ZNF215: variants seen among roughly 807,000 people sequenced by gnomAD.
ZNF215 encodes BWSCR2-associated zinc finger protein 2.
A neutral mutation model predicts 27.2 loss-of-function variants in ZNF215; 24 were observed. The ratio of observed to expected loss-of-function variants is 0.88; its 90% CI spans 0.64 to 1.24. The LOEUF (loss-of-function observed/expected upper bound fraction) is 1.24, where lower values mean the gene tolerates loss of function less well. Ranked by LOEUF, ZNF215 falls within the 50% of genes most tolerant of loss-of-function variation. The probability of loss-of-function intolerance (pLI) is 0.00; values close to 1 mark genes in which losing one functional copy is unlikely to be tolerated. For synonymous variants in ZNF215, 210 were observed against 204.0 expected, an observed-to-expected ratio of 1.03 and a Z score of -0.25; for missense variants, 675 against 605.7, an observed-to-expected ratio of 1.11 and a Z score of -1.20.
chr11:6,988,120 C>T (rs1341096280), downstream of ZNF215: 1 of 902,300 alleles, frequency 1.1e-6, no homozygotes, highest in Non-Finnish European at 1.3e-6. Context: ...AAATTTGGAG[C>T]AACAGCAATT....
At chr11:6,952,643 G>T (rs1850123699) in intron 6 of ZNF215, among the ~76,000 whole-genome samples, 1 of 151,908 alleles carries the variant, frequency 6.6e-6, no homozygotes, top group South Asian at 2.1e-4. Flanking sequence ...CACATGAGAT[G>T]GGTTTCCTGA....
chr11:6,943,511 G>C, intron 5 of ZNF215, 35 bp from the exon 6 acceptor site: 1 of 1,536,284 alleles, frequency 6.5e-7, no homozygotes, highest in South Asian at 1.1e-5. Flanking sequence ...ATATATGTTT[G>C]TTGTTGTTGT....
At chr11:6,946,909 G>C (rs374947062) in intron 6 of ZNF215, among the ~76,000 whole-genome samples, 25 of 152,242 alleles carry the variant, frequency 1.6e-4, no homozygotes, top group African/African-American at 5.5e-4. Context: ...TATTTTTTGG[G>C]TTGTCATTTA....
At chr11:6,938,170 A>G (rs1209764431) in intron 3 of ZNF215, among the ~76,000 whole-genome samples, 2 of 152,048 alleles carry the variant, frequency 1.3e-5, no homozygotes, top group African/African-American at 4.8e-5. Flanking sequence ...AGTTTTTTAA[A>G]TGGACAAAGG....
At chr11:6,988,378 T>G, downstream of ZNF215, 3 of 453,598 alleles carry the variant, frequency 6.6e-6, no homozygotes, top group Non-Finnish European at 8.6e-6. Context: ...AAAAGGGCTC[T>G]GTGATCAGCC....
At chr11:6,982,085 G>C (rs7935516) in intron 5 of ZNF215, among the ~76,000 whole-genome samples, 47,230 of 151,582 alleles carry the variant, frequency 0.31, 7,639 homozygotes, top group African/African-American at 0.36. Flanking sequence ...TTGACTTGGC[G>C]ATGTGGGCTC....
rs747708347 is a variant in ZNF215 at position 6,932,533 on chromosome 11, T to A, written c.261T>A (p.Ile87=). ...LRPEIHTKKQ[I]IELLVLEQFL... is the part of the protein sequence containing the mutation. ...CAGAGATTCATACAAAGAAGCAGAT[T>A]ATAGAACTGTTGGTGCTGGAACAAT... is the stretch of plus-strand genomic sequence containing the variant. The change falls in exon 3 of 7, where the codon ATT becomes ATA. Residue 87 remains isoleucine (I), a synonymous_variant. Coordinates refer to ENST00000278319, the MANE Select transcript of ZNF215 (RefSeq NM_013250.4). 72 of 1,614,170 alleles carry A rather than the reference T, an allele frequency of 4.5e-5. No individual in the cohort carries two copies. The Middle Eastern group carries it at 2.5e-3, about 55-fold the overall frequency.
At chr11:6,931,298 T>C (rs967189126) in intron 2 of ZNF215, among the ~76,000 whole-genome samples, 1 of 152,228 alleles carries the variant, frequency 6.6e-6, no homozygotes, top group Non-Finnish European at 1.5e-5. Context: ...TACTGGCTCC[T>C]GGGGGAATTC....
chr11:6,937,434 C>T (rs1011142635), intron 3 of ZNF215, among the ~76,000 whole-genome samples: 1 of 150,562 alleles, frequency 6.6e-6, no homozygotes, highest in Admixed American at 6.6e-5. Flanking sequence ...AGATAACACT[C>T]CCCCAAAGCA....
At chr11:6,970,615 A>G (rs1850700645) in intron 5 of ZNF215, among the ~76,000 whole-genome samples, 1 of 152,220 alleles carries the variant, frequency 6.6e-6, no homozygotes, top group Admixed American at 6.5e-5. Context: ...AACAAGAATG[A>G]CAAATTATTG....
intron 4 of ZNF215, among the ~76,000 whole-genome samples, chr11:6,942,802 T>C (rs1849675438): frequency 6.6e-6 from 1 of 152,208 alleles, no homozygotes. Flanking sequence ...TTATTCCAGT[T>C]GTCTTTTTTC....
intron 4 of ZNF215, 27 bp from the exon 5 acceptor site, chr11:6,943,056 T>G: frequency 6.2e-7 from 1 of 1,604,128 alleles, no homozygotes; most frequent in Non-Finnish European, 8.5e-7. Flanking sequence ...GTGACACCTT[T>G]GATTAAAAAG....
chr11:6,973,850 T>A (rs1216981465), intron 5 of ZNF215, among the ~76,000 whole-genome samples: 1 of 152,228 alleles, frequency 6.6e-6, no homozygotes, highest in Non-Finnish European at 1.5e-5. Context: ...GGTTGCCTGT[T>A]GACTCTGATG....
rs1850406910 is a variant in ZNF215, at chr11:6,957,455, C to T, written c.*924C>T. 1 of 158,512 alleles carries T rather than the reference C, an allele frequency of 6.3e-6. No individual in the cohort carries two copies. The highest frequency in any genetic ancestry group is 1.4e-5 in the Non-Finnish European group (1 of 73,910). 9.8% of individuals were successfully genotyped at this position (158,512 alleles called of 1,614,324 possible). On this transcript the variant is annotated 3_prime_UTR_variant, in exon 7 of 7. Coordinates refer to ENST00000278319, the MANE Select transcript of ZNF215 (RefSeq NM_013250.4). ...CATTGCCCTGAGCTGCTAGGATGCG[C>T]TCTGTCCACCCATGGCCCTGTACTG...
At chr11:6,940,740 T>C (rs936222180) in intron 3 of ZNF215, among the ~76,000 whole-genome samples, 5 of 152,192 alleles carry the variant, frequency 3.3e-5, no homozygotes, top group Non-Finnish European at 5.9e-5. Flanking sequence ...TCAAAGCTCA[T>C]TAAAAGTTTT....
intron 6 of ZNF215, among the ~76,000 whole-genome samples, chr11:6,953,175 C>T (rs530420192): frequency 6.6e-6 from 1 of 152,176 alleles, no homozygotes; most frequent in East Asian, 1.9e-4. Flanking sequence ...ACATTTTTTC[C>T]TTCATTTCAA....
intron 2 of ZNF215, among the ~76,000 whole-genome samples, chr11:6,931,470 G>A (rs1445640657): frequency 6.6e-6 from 1 of 152,160 alleles, no homozygotes; most frequent in African/African-American, 2.4e-5. Context: ...ATGACCTATG[G>A]TAGTCTTGCA....
intron 6 of ZNF215, among the ~76,000 whole-genome samples, chr11:6,947,534 G>A (rs1181305102): frequency 6.6e-6 from 1 of 152,074 alleles, no homozygotes; most frequent in African/African-American, 2.4e-5. Context: ...GCAAGACCCT[G>A]TCTCTAAAAT....
intron 6 of ZNF215, among the ~76,000 whole-genome samples, chr11:6,952,666 G>C (rs1412722208): frequency 3.9e-5 from 6 of 152,014 alleles, no homozygotes; most frequent in Non-Finnish European, 8.8e-5. Flanking sequence ...ACAGCACACT[G>C]ATGGGTCTTG....
Sources: gnomAD v4.1 joint callset for allele counts (sites outside exome capture counted in the v4.1 genomes callset) on GRCh38, gnomAD v4.1.1 for gene constraint, MANE v1.5 for transcripts, NCBI Gene and HGNC (gene_info 2026-07-23, HGNC 2026-07-21) for gene names.